FILIP1L: variants seen among roughly 807,000 people sequenced by gnomAD.
FILIP1L encodes the protein filamin A-interacting protein 1-like.
In FILIP1L, 55 loss-of-function variants were observed where a neutral mutation model predicts 96.6. The observed-to-expected ratio is 0.57, with a 90% CI of 0.46 to 0.71. The LOEUF (loss-of-function observed/expected upper bound fraction) is 0.71, where lower values mean the gene tolerates loss of function less well. Among genes scored for constraint, FILIP1L ranks in the 30% least tolerant of loss-of-function variants. The pLI is 0.00. For missense variants in FILIP1L, 1,304 were observed against 1,321.2 expected, an observed-to-expected ratio of 0.99 and a Z score of 0.20; for synonymous variants, 467 against 473.9, an observed-to-expected ratio of 0.99 and a Z score of 0.19.
intron 1 of FILIP1L, among the ~76,000 whole-genome samples, chr3:99,955,114 C>T (rs1236053724): frequency 2.6e-5 from 4 of 152,180 alleles, no homozygotes; most frequent in South Asian, 4.1e-4. Context: ...TAAGTGATTA[C>T]ACAAGTGGTT....
At chr3:99,993,526 G>A (rs1709585415) in intron 1 of FILIP1L, among the ~76,000 whole-genome samples, 1 of 152,044 alleles carries the variant, frequency 6.6e-6, no homozygotes, top group African/African-American at 2.4e-5. Context: ...GAATAGGGGT[G>A]GTAAAAGTGG....
chr3:100,052,908 G>T (rs2065398074), intron 1 of FILIP1L, among the ~76,000 whole-genome samples: 1 of 151,954 alleles, frequency 6.6e-6, no homozygotes, highest in Non-Finnish European at 1.5e-5. Flanking sequence ...TTTTTCACAG[G>T]AATTTTTAAA....
At chr3:99,995,205 C>T (rs962259381) in intron 1 of FILIP1L, among the ~76,000 whole-genome samples, 11 of 152,284 alleles carry the variant, frequency 7.2e-5, no homozygotes, top group Middle Eastern at 3.4e-3. Context: ...GTAAATACAG[C>T]TGTTCCAAAT....
chr3:99,958,233 T>TATTATC (rs2107698929), intron 1 of FILIP1L, among the ~76,000 whole-genome samples: 2 of 147,084 alleles, frequency 1.4e-5, no homozygotes, highest in African/African-American at 4.9e-5. Context: ...TTATTATTAT[T>TATTATC]ATTATTATTA....
chr3:100,065,412 T>C (rs2065647005), intron 1 of FILIP1L, among the ~76,000 whole-genome samples: 1 of 152,188 alleles, frequency 6.6e-6, no homozygotes, highest in Non-Finnish European at 1.5e-5. Context: ...TAACTTTGCC[T>C]AAAATCATCC....
intron 4 of FILIP1L, among the ~76,000 whole-genome samples, chr3:99,886,319 G>A (rs1178377163): frequency 6.6e-6 from 1 of 150,694 alleles, no homozygotes; most frequent in African/African-American, 2.5e-5. Flanking sequence ...GTAAAGCAGG[G>A]ATGTCCAATC....
At chr3:99,895,844 G>A (rs556456247) in intron 4 of FILIP1L, among the ~76,000 whole-genome samples, 2 of 152,258 alleles carry the variant, frequency 1.3e-5, no homozygotes, top group African/African-American at 4.8e-5. Flanking sequence ...GTTAAATGTT[G>A]GCTAAACTCT....
At chr3:99,833,392 A>T in intron 5 of FILIP1L, 1 of 697,750 alleles carries the variant, frequency 1.4e-6, no homozygotes, top group Admixed American at 2.8e-5. Flanking sequence ...ACAGTGAGTT[A>T]TTAGAAGGCA....
chr3:100,107,294 G>A (rs1317144227), intron 1 of FILIP1L, among the ~76,000 whole-genome samples: 1 of 152,162 alleles, frequency 6.6e-6, no homozygotes, highest in Non-Finnish European at 1.5e-5. Flanking sequence ...TTTAGGTCAT[G>A]ATTGCAGTTT....
intron 4 of FILIP1L, among the ~76,000 whole-genome samples, chr3:99,862,031 C>T (rs1160219116): frequency 1.3e-5 from 2 of 152,024 alleles, no homozygotes; most frequent in African/African-American, 2.4e-5. Context: ...AATACATGTC[C>T]GTTCTCATTA....
chr3:99,860,778 G>A (rs1425877840), intron 4 of FILIP1L, among the ~76,000 whole-genome samples: 1 of 152,152 alleles, frequency 6.6e-6, no homozygotes, highest in Non-Finnish European at 1.5e-5. Context: ...ATTTGTACCA[G>A]GATAATTACT....
At position 99,954,751 on chromosome 3, in the gene FILIP1L, G is replaced by T. The variant is rs1047725873; in HGVS notation, c.-10-23721C>A. Among the ~76,000 whole-genome samples, 4 of 152,036 alleles carry T rather than the reference G, an allele frequency of 2.6e-5. No individual in the cohort carries two copies. In the South Asian group the frequency reaches 6.3e-4, roughly 24 times the overall value. On this transcript the variant is annotated intron_variant, in intron 1 of 5. Coordinates refer to ENST00000477258, the MANE Select transcript of FILIP1L (RefSeq NM_001387850.1). ...TGAGGCAGGAGAATCGCTTGAACCC[G>T]GGAGGTGGAGATTGCAGTGAGCTGA...
chr3:99,929,284 T>C (rs950937187), intron 3 of FILIP1L, among the ~76,000 whole-genome samples: 1 of 152,168 alleles, frequency 6.6e-6, no homozygotes, highest in Non-Finnish European at 1.5e-5. Flanking sequence ...CTAGGTACGC[T>C]TGGTGAGGGA....
intron 1 of FILIP1L, among the ~76,000 whole-genome samples, chr3:100,052,810 G>A (rs941060094): frequency 5.3e-5 from 8 of 152,108 alleles, no homozygotes; most frequent in African/African-American, 1.9e-4. Context: ...TATGATACAA[G>A]ATAAAGTTAT....
At chr3:99,995,280 T>G (rs923988719) in intron 1 of FILIP1L, among the ~76,000 whole-genome samples, 1 of 152,128 alleles carries the variant, frequency 6.6e-6, no homozygotes, top group Non-Finnish European at 1.5e-5. Context: ...AGTGGGGCAG[T>G]CAAATTTTAA....
intron 1 of FILIP1L, among the ~76,000 whole-genome samples, chr3:99,939,895 A>G (rs914548895): frequency 6.6e-6 from 1 of 152,104 alleles, no homozygotes; most frequent in Non-Finnish European, 1.5e-5. Flanking sequence ...TTTTTTCTCT[A>G]TGCTCATGCT....
At chr3:99,910,887 TTA>T (rs1350787814) in intron 4 of FILIP1L, among the ~76,000 whole-genome samples, 2 of 152,142 alleles carry the variant, frequency 1.3e-5, no homozygotes, top group African/African-American at 4.8e-5. Flanking sequence ...CCAAAGGCAG[TTA>T]TATTCTCTAA....
Position 99,924,390 on chromosome 3 carries a change from T to C in FILIP1L, c.445A>G (p.Lys149Glu). 6.2e-7 allele frequency: 1 copy of C among 1,614,094 alleles called. No homozygotes were observed. Residue 149 changes from lysine (K) to glutamate (E), a missense_variant, in exon 4 of 6, where the codon AAA becomes GAA. Coordinates refer to ENST00000477258, the MANE Select transcript of FILIP1L (RefSeq NM_001387850.1). ...ATTCGTCTGTAAGATTCTTTATGTT[T>C]TTCCACAACTTTGTCCAACTACGAA... ...PMNELDKVVE[K>E]HKESYRRILG...
At chr3:100,073,072 A>T (rs1041393032) in intron 1 of FILIP1L, among the ~76,000 whole-genome samples, 1 of 152,242 alleles carries the variant, frequency 6.6e-6, no homozygotes, top group Non-Finnish European at 1.5e-5. Context: ...TGTTCATAAT[A>T]AAATGGAAAC....
Sources: gnomAD v4.1 joint callset for allele counts (sites outside exome capture counted in the v4.1 genomes callset) on GRCh38, gnomAD v4.1.1 for gene constraint, MANE v1.5 for transcripts, NCBI Gene and HGNC (gene_info 2026-07-23, HGNC 2026-07-21) for gene names.